MYO5B: variants seen among roughly 807,000 people sequenced by gnomAD.
MYO5B encodes the protein unconventional myosin-Vb.
Under a neutral mutation model 229.3 loss-of-function variants are expected in MYO5B, and 143 were observed. The ratio of observed to expected loss-of-function variants is 0.62; its 90% CI spans 0.54 to 0.72. The LOEUF (loss-of-function observed/expected upper bound fraction) is 0.72. Ranked by LOEUF, MYO5B falls within the 30% of genes least tolerant of loss-of-function variation. The pLI is 0.00. For missense variants in MYO5B, 2,321 were observed against 2,331.0 expected (o/e 1.00, Z 0.09); for synonymous variants, 918 against 885.2 (o/e 1.04, Z -0.66).
At chr18:50,139,622 C>A (rs920053693) in intron 1 of MYO5B, among the ~76,000 whole-genome samples, 2 of 152,158 alleles carry the variant, frequency 1.3e-5, no homozygotes, top group African/African-American at 4.8e-5. Context: ...GCAGAGGACC[C>A]AGCCTTTCCC....
chr18:50,128,311 G>C (rs2032199278), intron 1 of MYO5B, among the ~76,000 whole-genome samples: 2 of 152,150 alleles, frequency 1.3e-5, no homozygotes. Flanking sequence ...TGGCTTTGAA[G>C]GGGGAGAGAG....
intron 21 of MYO5B, among the ~76,000 whole-genome samples, chr18:49,896,944 T>C (rs1296621819): frequency 6.6e-6 from 1 of 152,200 alleles, no homozygotes; most frequent in Non-Finnish European, 1.5e-5. Context: ...TAGTAACTCC[T>C]GCCTCAGAGG....
intron 17 of MYO5B, among the ~76,000 whole-genome samples, chr18:49,918,940 G>A (rs948661734): frequency 6.6e-6 from 1 of 152,202 alleles, no homozygotes; most frequent in Non-Finnish European, 1.5e-5. Context: ...CCTTCTCAAA[G>A]GCTCACAGGA....
At chr18:49,991,144 C>T (rs558382528) in intron 6 of MYO5B, among the ~76,000 whole-genome samples, 36 of 152,268 alleles carry the variant, frequency 2.4e-4, no homozygotes, top group East Asian at 1.3e-3. Context: ...CACACCCAAC[C>T]CAGCAAGCTG....
In MYO5B at chr18:50,040,132, C is replaced by A. The variant is rs752649440; in HGVS notation, c.310+11G>T. The A allele has an allele frequency of 1.2e-6, 2 of 1,613,764 alleles. No homozygotes were observed. Among genetic ancestry groups the A allele is most frequent in the South Asian group, 2.2e-5 (2 of 91,032 alleles). The stretch of plus-strand genomic sequence containing the variant: ...TCCAACGCATGCAGCCAACAGATGC[C>A]CCCCACTTACCACAGTAAGTGTAGA... On this transcript the variant is annotated intron_variant, in intron 3 of 39. Coordinates refer to ENST00000285039, the MANE Select transcript of MYO5B (RefSeq NM_001080467.3).
chr18:49,916,139 T>C (rs1296935537), intron 17 of MYO5B, among the ~76,000 whole-genome samples: 1 of 152,262 alleles, frequency 6.6e-6, no homozygotes, highest in African/African-American at 2.4e-5. Flanking sequence ...ACACTTGCTT[T>C]AGTTCTCCTT....
intron 23 of MYO5B, among the ~76,000 whole-genome samples, chr18:49,879,662 G>A (rs1485735216): frequency 6.6e-6 from 1 of 152,196 alleles, no homozygotes; most frequent in African/African-American, 2.4e-5. Context: ...CCATCCTCTT[G>A]TGACATGAAT....
rs1793702910 is a variant in MYO5B at position 49,954,393 on chromosome 18, C to A, written c.1588G>T (p.Asp530Tyr). The part of the protein sequence containing the change: ...TDQNWAQKLY[D>Y]RHSSSQHFQK... Reference sequence around the variant, plus strand: ...AAGTGCTGGCTGCTGGAGTGCCGGTCATAGAGCTTCTGAGCCCAGTTCTGG... The same window carrying A: ...AAGTGCTGGCTGCTGGAGTGCCGGTAATAGAGCTTCTGAGCCCAGTTCTGG... The change falls in exon 13 of 40, where the codon GAC (aspartate) becomes TAC (tyrosine). Residue 530 changes from aspartate (D) to tyrosine (Y), a missense_variant. Physicochemically the swap from Asp to Tyr is radical, Grantham distance 160 (BLOSUM62 -3). Around this residue, in one of 2 missense-constraint regions of MYO5B, gnomAD observed 2,113 missense variants for 2,044.7 expected, o/e 1.03. Transcript: ENST00000285039. 1 of 1,613,940 alleles carries A rather than the reference C, an allele frequency of 6.2e-7. No individual in the cohort carries two copies. The highest frequency in any genetic ancestry group is 1.3e-5 in the African/African-American group (1 of 74,990).
chr18:50,160,674 CT>C (rs2144318919), intron 1 of MYO5B, among the ~76,000 whole-genome samples: 1 of 152,276 alleles, frequency 6.6e-6, no homozygotes, highest in Admixed American at 6.5e-5. Flanking sequence ...TCACCTGAAA[CT>C]TGTGTCTTCA....
At chr18:50,137,329 C>T (rs2032351667) in intron 1 of MYO5B, among the ~76,000 whole-genome samples, 2 of 152,144 alleles carry the variant, frequency 1.3e-5, no homozygotes, top group African/African-American at 4.8e-5. Flanking sequence ...TGTAAGGCCC[C>T]AAGAAACCCA....
At chr18:50,002,009 G>A (rs1356867662) in intron 4 of MYO5B, among the ~76,000 whole-genome samples, 5 of 143,342 alleles carry the variant, frequency 3.5e-5, no homozygotes, top group South Asian at 2.3e-4. Context: ...GCACTCCAGC[G>A]TGGGCAACAG....
intron 4 of MYO5B, 62 bp downstream of exon 4, chr18:50,036,788 A>G: frequency 1.9e-6 from 3 of 1,591,828 alleles, no homozygotes; most frequent in South Asian, 2.2e-5. Context: ...AGAGGAAGGT[A>G]AAAACTCCCC....
chr18:49,965,973 G>A (rs771269142), intron 10 of MYO5B, among the ~76,000 whole-genome samples: 15 of 152,146 alleles, frequency 9.9e-5, no homozygotes, highest in Non-Finnish European at 1.9e-4. Context: ...TTTTCTCAGT[G>A]TCATACATAC....
intron 2 of MYO5B, among the ~76,000 whole-genome samples, chr18:50,051,318 C>A (rs1473539260): frequency 6.6e-6 from 1 of 152,180 alleles, no homozygotes; most frequent in Admixed American, 6.5e-5. Context: ...CACATGCTCC[C>A]CTGTCTTCCT....
At chr18:49,910,052 C>T (rs2024940420) in intron 18 of MYO5B, among the ~76,000 whole-genome samples, 1 of 152,204 alleles carries the variant, frequency 6.6e-6, no homozygotes, top group South Asian at 2.1e-4. Context: ...TGAAGTGCCA[C>T]ATGCTAGACC....
intron 1 of MYO5B, chr18:50,064,258 T>G (rs1490962459): frequency 6.5e-6 from 1 of 153,106 alleles, no homozygotes; most frequent in Admixed American, 6.5e-5. Flanking sequence ...GAAAGATCAC[T>G]GAAAGCTCCC....
chr18:50,116,289 C>A (rs563239994), intron 1 of MYO5B, among the ~76,000 whole-genome samples: 1 of 152,262 alleles, frequency 6.6e-6, no homozygotes, highest in African/African-American at 2.4e-5. Flanking sequence ...AGGGATGGAG[C>A]AGCCTGATCA....
chr18:49,971,685 C>T (rs2025693891), intron 10 of MYO5B, among the ~76,000 whole-genome samples: 2 of 152,194 alleles, frequency 1.3e-5, no homozygotes, highest in South Asian at 4.1e-4. Flanking sequence ...GCATGCACTT[C>T]CATATTTAGG....
chr18:49,937,291 G>T lies in MYO5B; in HGVS notation c.1859C>A (p.Pro620His), dbSNP rs781455598. 1 of 1,614,142 alleles carries T rather than the reference G, an allele frequency of 6.2e-7. No individual in the cohort carries two copies. The highest frequency in any genetic ancestry group is 1.1e-5 in the South Asian group (1 of 91,074). The change falls in exon 15 of 40, where the codon CCC becomes CAC. Residue 620 changes from proline (P) to histidine (H), a missense_variant. This residue lies in a region of MYO5B where 2,113 missense variants were observed against 2,044.7 expected (regional missense o/e 1.03). Coordinates refer to ENST00000285039, the MANE Select transcript of MYO5B (RefSeq NM_001080467.3). Reference sequence around the variant, plus strand: ...GTGCTCCTTGTTGGAGACTTTCATGGGGGGTCTGGCAGAACGGACGCTGAT... The same window carrying T: ...GTGCTCCTTGTTGGAGACTTTCATGTGGGGTCTGGCAGAACGGACGCTGAT... ...SKISVRSARP[P>H]MKVSNKEHKK...
Sources: gnomAD v4.1 joint callset for allele counts (sites outside exome capture counted in the v4.1 genomes callset) on GRCh38, gnomAD v4.1.1 for gene constraint, gnomAD v4.1.1 regional missense constraint, MANE v1.5 for transcripts, NCBI Gene and HGNC (gene_info 2026-07-23, HGNC 2026-07-21) for gene names.